Variants in PCDH15 observed in about 807,000 individuals in gnomAD.
The protein encoded by PCDH15 is protocadherin-15.
Under a neutral mutation model 178.5 loss-of-function variants are expected in PCDH15, and 129 were observed. The ratio of observed to expected loss-of-function variants is 0.72; its 90% CI spans 0.63 to 0.84. PCDH15 has a LOEUF of 0.84. Among genes scored for constraint, PCDH15 ranks in the 40% least tolerant of loss-of-function variants. The probability of loss-of-function intolerance (pLI) is 0.00; values close to 1 mark genes in which losing one functional copy is unlikely to be tolerated. For missense variants in PCDH15, 2,230 were observed against 2,099.9 expected (o/e 1.06, Z -1.21); for synonymous variants, 800 against 732.0 (o/e 1.09, Z -1.50).
intron 16 of PCDH15, among the ~76,000 whole-genome samples, chr10:54,088,342 C>T (rs7097475): frequency 0.027 from 4,051 of 152,180 alleles, 175 homozygotes; most frequent in African/African-American, 0.089. Context: ...TGCTTGTTGG[C>T]CATTCACATA....
intron 2 of PCDH15, among the ~76,000 whole-genome samples, chr10:55,364,403 T>C (rs576944142): frequency 9.2e-5 from 14 of 152,204 alleles, no homozygotes; most frequent in Non-Finnish European, 1.8e-4. Flanking sequence ...TTTAAAAATG[T>C]CTTCTGGTTT....
chr10:54,500,455 G>GA (rs1008297292), intron 3 of PCDH15, among the ~76,000 whole-genome samples: 2 of 151,884 alleles, frequency 1.3e-5, no homozygotes, highest in African/African-American at 4.8e-5. Context: ...GTTGAGAATA[G>GA]AAAAAAACAA....
At chr10:54,548,736 C>T (rs1367058072) in intron 2 of PCDH15, among the ~76,000 whole-genome samples, 1 of 150,058 alleles carries the variant, frequency 6.7e-6, no homozygotes, top group East Asian at 1.9e-4. Flanking sequence ...AAATTTTTAT[C>T]CCTCCTGACT....
At chr10:54,301,937 G>A (rs986711671) in intron 8 of PCDH15, among the ~76,000 whole-genome samples, 9 of 152,042 alleles carry the variant, frequency 5.9e-5, no homozygotes, top group African/African-American at 2.2e-4. Context: ...AGTCAACAAA[G>A]AAATACTGCA....
At chr10:55,623,347 T>C in intron 2 of PCDH15, among the ~76,000 whole-genome samples, 1 of 152,138 alleles carries the variant, frequency 6.6e-6, no homozygotes, top group Non-Finnish European at 1.5e-5. Context: ...TTTCATTTTG[T>C]CTAAGGACTT....
At chr10:54,878,546 A>C (rs1954195868) in intron 3 of PCDH15, among the ~76,000 whole-genome samples, 1 of 152,166 alleles carries the variant, frequency 6.6e-6, no homozygotes, top group Non-Finnish European at 1.5e-5. Context: ...TTGAAACCAC[A>C]GTTATGAAAA....
intron 1 of PCDH15, among the ~76,000 whole-genome samples, chr10:55,314,885 A>G (rs1843684417): frequency 6.6e-6 from 1 of 152,152 alleles, no homozygotes; most frequent in Non-Finnish European, 1.5e-5. Flanking sequence ...GATGACTGTA[A>G]TGTTGGATAT....
intron 1 of PCDH15, among the ~76,000 whole-genome samples, chr10:55,234,729 A>G (rs1454739057): frequency 6.6e-6 from 1 of 152,078 alleles, no homozygotes; most frequent in African/African-American, 2.4e-5. Context: ...GTATTTTGAG[A>G]CAATAAAATT....
At chr10:54,883,657 T>A (rs984442496) in intron 3 of PCDH15, among the ~76,000 whole-genome samples, 13 of 152,000 alleles carry the variant, frequency 8.6e-5, no homozygotes, top group African/African-American at 3.1e-4. Flanking sequence ...AGCAGTTTTA[T>A]GTGCTATCAA....
chr10:54,938,413 T>A (rs556710683), intron 2 of PCDH15, among the ~76,000 whole-genome samples: 1 of 151,552 alleles, frequency 6.6e-6, no homozygotes, highest in South Asian at 2.1e-4. Context: ...AATATTTCGG[T>A]TTAGCTTTCA....
intron 2 of PCDH15, among the ~76,000 whole-genome samples, chr10:55,333,527 GTTAGT>G (rs940216402): frequency 1.3e-5 from 2 of 151,930 alleles, no homozygotes; most frequent in Non-Finnish European, 1.5e-5. Flanking sequence ...CTGAGCACTG[GTTAGT>G]TTGGTTAATA....
chr10:55,155,488 C>CA (rs33986131), intron 2 of PCDH15, among the ~76,000 whole-genome samples: 50,513 of 115,880 alleles, frequency 0.44, 11,843 homozygotes, highest in Non-Finnish European at 0.53. Context: ...GCAACCAATG[C>CA]AAAAAAAAAA....
intron 1 of PCDH15, among the ~76,000 whole-genome samples, chr10:54,773,130 A>G (rs1949290733): frequency 6.6e-6 from 1 of 152,132 alleles, no homozygotes; most frequent in Non-Finnish European, 1.5e-5. Context: ...ATCAGGAAGA[A>G]TAGCTAATGG....
At chr10:53,842,605 G>A (rs370003818) in intron 28 of PCDH15, among the ~76,000 whole-genome samples, 15 of 152,168 alleles carry the variant, frequency 9.9e-5, no homozygotes, top group East Asian at 9.7e-4. Flanking sequence ...ATGTGCATTC[G>A]GTGAAATAAA....
chr10:55,384,228 A>C (rs981133140), intron 2 of PCDH15, among the ~76,000 whole-genome samples: 3 of 152,134 alleles, frequency 2.0e-5, no homozygotes, highest in African/African-American at 7.2e-5. Flanking sequence ...TGTTTTGAGG[A>C]GATCTGAATC....
At chr10:55,448,912 T>C (rs569844333) in intron 2 of PCDH15, among the ~76,000 whole-genome samples, 2 of 152,180 alleles carry the variant, frequency 1.3e-5, no homozygotes, top group Admixed American at 6.6e-5. Context: ...AAGAATTAAT[T>C]GTTAATTAAA....
At chr10:54,302,111 A>G (rs949959804) in intron 8 of PCDH15, among the ~76,000 whole-genome samples, 2 of 152,190 alleles carry the variant, frequency 1.3e-5, no homozygotes, top group African/African-American at 4.8e-5. Flanking sequence ...ATTTAACTGC[A>G]TAGATAATAA....
intron 2 of PCDH15, among the ~76,000 whole-genome samples, chr10:54,531,073 T>C (rs1401971002): frequency 6.6e-6 from 1 of 152,056 alleles, no homozygotes; most frequent in East Asian, 1.9e-4. Context: ...TAGAAAGCAA[T>C]TTGGGGGATG....
intron 3 of PCDH15, among the ~76,000 whole-genome samples, chr10:54,854,386 C>G (rs1342107789): frequency 6.6e-6 from 1 of 152,182 alleles, no homozygotes; most frequent in Admixed American, 6.5e-5. Flanking sequence ...TTATTTTAGC[C>G]TCCTTTGCTC....
Sources: gnomAD v4.1 joint callset for allele counts (sites outside exome capture counted in the v4.1 genomes callset) on GRCh38, gnomAD v4.1.1 for gene constraint, MANE v1.5 for transcripts, NCBI Gene and HGNC (gene_info 2026-07-23, HGNC 2026-07-21) for gene names.